FAM20C: variants seen among roughly 807,000 people sequenced by gnomAD.
FAM20C encodes the protein extracellular serine/threonine protein kinase FAM20C.
A neutral mutation model predicts 51.5 loss-of-function variants in FAM20C; 40 were observed. The observed-to-expected ratio is 0.78, with a 90% confidence interval of 0.60 to 1.01. The LOEUF (loss-of-function observed/expected upper bound fraction) is 1.01. FAM20C is among the 50% of genes least tolerant of loss of function. FAM20C has a pLI of 0.00. For missense variants in FAM20C, 861 were observed against 844.7 expected (o/e 1.02, Z -0.24); for synonymous variants, 406 against 380.6 (o/e 1.07, Z -0.78).
chr7:250,253 G>A (rs148872988), intron 5 of FAM20C, among the ~76,000 whole-genome samples: 8,272 of 152,118 alleles, frequency 0.054, 281 homozygotes, highest in Non-Finnish European at 0.082. Flanking sequence ...CCCGGCCCCC[G>A]AATCCATGAT....
At chr7:233,326 T>G (rs1163244455) in intron 3 of FAM20C, among the ~76,000 whole-genome samples, 1 of 152,194 alleles carries the variant, frequency 6.6e-6, no homozygotes, top group Non-Finnish European at 1.5e-5. Context: ...CTGACTGGAT[T>G]TGGAGGAAAC....
intron 3 of FAM20C, among the ~76,000 whole-genome samples, chr7:230,911 A>G (rs1214831213): frequency 6.6e-6 from 1 of 152,172 alleles, no homozygotes; most frequent in African/African-American, 2.4e-5. Context: ...CGCCACATCA[A>G]CCTGGCTTCA....
At chr7:249,737 C>T (rs1788321661) in intron 5 of FAM20C, among the ~76,000 whole-genome samples, 1 of 151,890 alleles carries the variant, frequency 6.6e-6, no homozygotes, top group Admixed American at 6.5e-5. Context: ...GAGACCCTGT[C>T]TCAAAAAAAA....
chr7:194,008 CCGGG>C, intron 1 of FAM20C: 1 of 827,308 alleles, frequency 1.2e-6, no homozygotes, highest in South Asian at 2.7e-5. Context: ...GCCGGCTGGT[CCGGG>C]AGCTGTGCCC....
Position 255,880 on chromosome 7 carries a change from C to G in FAM20C, c.1104C>G (p.Ser368=). Residue 368 remains serine, a synonymous_variant, in exon 6 of 10, where the codon TCC becomes TCG. Transcript: ENST00000313766. ...ANNICFYGEC[S]YYCSTEHALC... ...ACATCTGCTTCTACGGCGAGTGTTCCTACTACTGCTCCACGGAGCACGCCC... is the reference window on the plus strand; with the variant it reads ...ACATCTGCTTCTACGGCGAGTGTTCGTACTACTGCTCCACGGAGCACGCCC... 1 of 1,536,446 alleles carries G rather than the reference C, an allele frequency of 6.5e-7. No homozygotes were observed. Among genetic ancestry groups the G allele is most frequent in the Non-Finnish European group, 8.7e-7 (1 of 1,146,842 alleles).
intron 3 of FAM20C, among the ~76,000 whole-genome samples, chr7:219,599 T>C (rs941230258): frequency 2.0e-5 from 3 of 152,196 alleles, no homozygotes; most frequent in African/African-American, 4.8e-5. Flanking sequence ...CTGAAGGCCT[T>C]GGGAGCCACA....
intron 9 of FAM20C, among the ~76,000 whole-genome samples, chr7:259,414 C>T (rs1290842673): frequency 3.4e-5 from 5 of 147,024 alleles, no homozygotes; most frequent in South Asian, 2.1e-4. Context: ...CCCTCTCTCG[C>T]GGTCTCTCTC....
chr7:253,650 C>T (rs562027349), intron 5 of FAM20C, among the ~76,000 whole-genome samples: 1 of 152,300 alleles, frequency 6.6e-6, no homozygotes, highest in East Asian at 1.9e-4. Flanking sequence ...TTGCTGGGAC[C>T]CCCGCTTCCC....
At chr7:245,541 C>A (rs181497628) in intron 3 of FAM20C, among the ~76,000 whole-genome samples, 49,625 of 152,064 alleles carry the variant, frequency 0.33, 10,724 homozygotes, top group African/African-American at 0.62. Context: ...AGGCAGGGGC[C>A]GGCCTTGGTG....
chr7:216,426 C>G (rs28527214), intron 3 of FAM20C, among the ~76,000 whole-genome samples: 2,189 of 18,834 alleles, frequency 0.12, 533 homozygotes, highest in African/African-American at 0.23. Context: ...GGCAGGGCCC[C>G]TGGTGTATGG....
At position 256,768 on chromosome 7, in the gene FAM20C, G is replaced by A. The variant is rs944877644; in HGVS notation, c.1363+5G>A. ...CGATCTTCGACTTCCTCATGGGTAC[G>A]TCCCGCAGGGGCACGGGGTCCCCGT... On this transcript the variant is annotated splice_donor_5th_base_variant and intron_variant, in intron 7 of 9. Transcript: ENST00000313766. 79 of 1,535,488 alleles carry A rather than the reference G, an allele frequency of 5.1e-5. 2 individuals carry two copies. Among genetic ancestry groups the A allele is most frequent in the Middle Eastern group, 1.7e-4 (1 of 6,002 alleles).
intron 3 of FAM20C, among the ~76,000 whole-genome samples, chr7:220,140 T>G (rs2115094806): frequency 6.6e-6 from 1 of 152,328 alleles, no homozygotes; most frequent in South Asian, 2.1e-4. Context: ...CATTGGAAGC[T>G]GCCGGGACCC....
intron 3 of FAM20C, among the ~76,000 whole-genome samples, chr7:220,179 C>T (rs1003561192): frequency 1.3e-5 from 2 of 152,186 alleles, no homozygotes; most frequent in African/African-American, 2.4e-5. Flanking sequence ...GTGGTGGGGT[C>T]CCTGTGCCCA....
In FAM20C at chr7:195,229, C is replaced by T. The variant is rs938625624; in HGVS notation, c.606-325C>T. The T allele has an allele frequency of 5.3e-5, 14 of 265,840 alleles. No individual in the cohort carries two copies. In the South Asian group the frequency reaches 9.8e-4, roughly 19 times the overall value. 16.5% of individuals were successfully genotyped at this position (265,840 alleles called of 1,614,324 possible). A position where few individuals can be genotyped will look rare whatever the true frequency, so the allele number is the denominator to read the frequency against. On this transcript the variant is annotated intron_variant, in intron 1 of 9. Coordinates refer to ENST00000313766, the MANE Select transcript of FAM20C (RefSeq NM_020223.4). ...AGCTGAGGTCATGGTTGGGCCATTT[C>T]GGTGACCCTGGGACAGACGTGGCGG...
At chr7:218,737 A>T (rs942916386) in intron 3 of FAM20C, among the ~76,000 whole-genome samples, 3 of 152,146 alleles carry the variant, frequency 2.0e-5, no homozygotes, top group Non-Finnish European at 4.4e-5. Context: ...GAGGTGGGAG[A>T]GGTGACAGGA....
intron 5 of FAM20C, among the ~76,000 whole-genome samples, chr7:253,831 C>T (rs1002433985): frequency 7.2e-5 from 11 of 152,244 alleles, no homozygotes; most frequent in African/African-American, 1.4e-4. Context: ...CATCTGAAAC[C>T]GGCTTAGGCG....
chr7:260,070 C>T lies in FAM20C; in HGVS notation c.*90C>T, dbSNP rs150747032. ...GCGCCCGTCGTGAATTCAGTGAATT[C>T]AGAGGCAGGACGGGATCATCCGGAG... is the stretch of plus-strand genomic sequence containing the variant. On this transcript the variant is annotated 3_prime_UTR_variant, in exon 10 of 10. Transcript: ENST00000313766. 358 of 1,416,742 alleles carry T rather than the reference C, an allele frequency of 2.5e-4. 1 individual carries two copies. The African/African-American group carries it at 4.5e-3, about 18-fold the overall frequency. 87.8% of individuals were successfully genotyped at this position (1,416,742 alleles called of 1,614,324 possible).
At chr7:218,913 C>T (rs1208603546) in intron 3 of FAM20C, among the ~76,000 whole-genome samples, 1 of 151,966 alleles carries the variant, frequency 6.6e-6, no homozygotes, top group Admixed American at 6.6e-5. Flanking sequence ...ACGCACAGAT[C>T]ACTCCCGTCC....
chr7:196,036 TC>T (rs1785851323), intron 2 of FAM20C, among the ~76,000 whole-genome samples: 1 of 152,176 alleles, frequency 6.6e-6, no homozygotes, highest in South Asian at 2.1e-4. Context: ...ACAGAGTCCT[TC>T]CCTCCTGGGG....
Sources: allele counts gnomAD v4.1 joint callset (sites outside exome capture counted in the v4.1 genomes callset), GRCh38; gene constraint gnomAD v4.1.1; transcripts MANE v1.5; gene names NCBI Gene and HGNC (gene_info 2026-07-23, HGNC 2026-07-21).